OR10J1: variants seen among roughly 807,000 people sequenced by gnomAD.
OR10J1 encodes the protein olfactory receptor 10J1.
For synonymous variants in OR10J1, 202 were observed against 143.8 expected (o/e 1.40, Z -2.89); for missense variants, 474 against 376.6 (o/e 1.26, Z -2.14).
chr1:159,432,650 C>G, the OR10J1 span: 1 of 438,378 alleles, frequency 2.3e-6, no homozygotes, highest in Non-Finnish European at 4.1e-6. Flanking sequence ...TCAGTGGATC[C>G]TGGAACATTG....
chr1:159,423,189 G>T, the OR10J1 span, among the ~76,000 whole-genome samples: 1 of 152,088 alleles, frequency 6.6e-6, no homozygotes, highest in Admixed American at 6.6e-5. Context: ...AAGCCATGCT[G>T]CTTTTCTCCT....
chr1:159,415,866 TGTTTTATA>T, the OR10J1 span, among the ~76,000 whole-genome samples: 1 of 151,984 alleles, frequency 6.6e-6, no homozygotes, highest in Non-Finnish European at 1.5e-5. Flanking sequence ...CTTTCATCAA[TGTTTTATA>T]GTTTTTCTTG....
chr1:159,437,076 G>T (rs1655756458), upstream of OR10J1, among the ~76,000 whole-genome samples: 1 of 152,196 alleles, frequency 6.6e-6, no homozygotes, highest in Admixed American at 6.5e-5. Context: ...AATTTTTAAA[G>T]AAGTAGTAAA....
the OR10J1 span, among the ~76,000 whole-genome samples, chr1:159,412,635 T>G: frequency 1.3e-5 from 2 of 151,304 alleles, no homozygotes; most frequent in Non-Finnish European, 2.9e-5. Flanking sequence ...GCTAGCCATA[T>G]GTAGAAAGCT....
chr1:159,434,675 A>C (rs750211893), upstream of OR10J1, among the ~76,000 whole-genome samples: 41 of 152,168 alleles, frequency 2.7e-4, no homozygotes, highest in Non-Finnish European at 5.0e-4. Flanking sequence ...CATTACAAGC[A>C]TGTGTCCTGT....
At chr1:159,416,207 C>T in the OR10J1 span, among the ~76,000 whole-genome samples, 1 of 151,960 alleles carries the variant, frequency 6.6e-6, no homozygotes, top group South Asian at 2.1e-4. Context: ...GCTGCGACTT[C>T]TATTACTACA....
the OR10J1 span, among the ~76,000 whole-genome samples, chr1:159,413,360 A>G: frequency 2.4e-4 from 37 of 151,912 alleles, no homozygotes. Context: ...AAGGACTATA[A>G]ATCATGCTGC....
the OR10J1 span, among the ~76,000 whole-genome samples, chr1:159,419,091 G>A: frequency 2.0e-5 from 3 of 152,198 alleles, no homozygotes; most frequent in Admixed American, 1.3e-4. Context: ...AGGCTCACAG[G>A]CAAAGGGGAC....
At chr1:159,402,720 A>C in the OR10J1 span, among the ~76,000 whole-genome samples, 1 of 152,100 alleles carries the variant, frequency 6.6e-6, no homozygotes, top group Middle Eastern at 3.2e-3. Flanking sequence ...AATCCCTATA[A>C]AAATACCAAT....
the OR10J1 span, among the ~76,000 whole-genome samples, chr1:159,414,301 T>C: frequency 6.6e-6 from 1 of 152,086 alleles, no homozygotes; most frequent in Admixed American, 6.6e-5. Context: ...TCTACCTCGA[T>C]GAAATCAACT....
the OR10J1 span, among the ~76,000 whole-genome samples, chr1:159,416,075 T>A: frequency 2.6e-5 from 4 of 151,664 alleles, no homozygotes; most frequent in Admixed American, 2.6e-4. Flanking sequence ...ATTTAAGAGG[T>A]TTTTTTTGGT....
chr1:159,414,654 A>G, the OR10J1 span, among the ~76,000 whole-genome samples: 4 of 152,086 alleles, frequency 2.6e-5, no homozygotes, highest in Non-Finnish European at 5.9e-5. Flanking sequence ...TTAGCTTTTG[A>G]GAAATGTCAT....
chr1:159,398,281 C>T, the OR10J1 span, among the ~76,000 whole-genome samples: 2 of 152,174 alleles, frequency 1.3e-5, no homozygotes, highest in South Asian at 4.1e-4. Flanking sequence ...AGGATGGCTG[C>T]AAATAAGCCA....
the OR10J1 span, among the ~76,000 whole-genome samples, chr1:159,428,328 T>C: frequency 0.92 from 139,871 of 152,158 alleles, 64,941 homozygotes; most frequent in East Asian, 1. Flanking sequence ...TAGCCTTTTC[T>C]CCCTAAACCC....
chr1:159,439,969 T>C lies in OR10J1; in HGVS notation c.178T>C (p.Tyr60His), dbSNP rs116161672. 121 of 1,614,170 alleles carry C rather than the reference T, an allele frequency of 7.5e-5. No homozygotes were observed. The African/African-American group carries it at 1.2e-3, about 16-fold the overall frequency. Residue 60 changes from tyrosine (Y) to histidine (H), a missense_variant, in exon 1 of 1, where the codon TAC becomes CAC. Transcript: ENST00000423932. ...GGATCTTCATCTTCACACACCCATGTACTTCTTCCTGAGCATGCTGTCCAC... is the reference window on the plus strand; with the variant it reads ...GGATCTTCATCTTCACACACCCATGCACTTCTTCCTGAGCATGCTGTCCAC... ...RMDLHLHTPM[Y>H]FFLSMLSTSE...
chr1:159,431,187 A>T, the OR10J1 span, among the ~76,000 whole-genome samples: 1 of 152,352 alleles, frequency 6.6e-6, no homozygotes, highest in Admixed American at 6.5e-5. Flanking sequence ...TACGCACCAC[A>T]GAATGTTCTA....
the OR10J1 span, among the ~76,000 whole-genome samples, chr1:159,430,640 G>GGGGGGGGTGTGT: frequency 1.4e-5 from 2 of 140,828 alleles, no homozygotes; most frequent in African/African-American, 5.4e-5. Context: ...AAAAAATTAT[G>GGGGGGGGTGTGT]GTGTGTGTGT....
chr1:159,435,453 T>C (rs1207714788), upstream of OR10J1, among the ~76,000 whole-genome samples: 1 of 152,188 alleles, frequency 6.6e-6, no homozygotes, highest in Non-Finnish European at 1.5e-5. Flanking sequence ...AGTTCTCCTT[T>C]TCAGAACTTA....
At chr1:159,423,721 G>A in the OR10J1 span, among the ~76,000 whole-genome samples, 1 of 152,072 alleles carries the variant, frequency 6.6e-6, no homozygotes, top group East Asian at 1.9e-4. Flanking sequence ...CTGGCAACAA[G>A]GTTTACAACC....
Sources: allele counts gnomAD v4.1 joint callset (sites outside exome capture counted in the v4.1 genomes callset), GRCh38; gene constraint gnomAD v4.1.1; transcripts MANE v1.5; gene names NCBI Gene and HGNC (gene_info 2026-07-23, HGNC 2026-07-21).